SHISA9: variants seen among roughly 807,000 people sequenced by gnomAD.
The protein encoded by SHISA9 is shisa family member 9.
In SHISA9, 13 loss-of-function variants were observed where a neutral mutation model predicts 38.0. The ratio of observed to expected loss-of-function variants is 0.34; its 90% CI spans 0.22 to 0.54. SHISA9 has a LOEUF of 0.54. Among genes scored for constraint, SHISA9 ranks in the 20% least tolerant of loss-of-function variants. SHISA9 has a pLI of 0.91. For missense variants in SHISA9, 538 were observed against 575.8 expected, an observed-to-expected ratio of 0.93 and a Z score of 0.67; for synonymous variants, 275 against 242.0, an observed-to-expected ratio of 1.14 and a Z score of -1.27.
chr16:13,286,244 C>T, the SHISA9 span, among the ~76,000 whole-genome samples: 1 of 152,160 alleles, frequency 6.6e-6, no homozygotes, highest in Non-Finnish European at 1.5e-5. Flanking sequence ...ATGCCCCAAC[C>T]ACGCTGAGCA....
At chr16:13,334,395 G>A in the SHISA9 span, among the ~76,000 whole-genome samples, 1 of 152,166 alleles carries the variant, frequency 6.6e-6, no homozygotes, top group Non-Finnish European at 1.5e-5. Context: ...GCTAGCAGAG[G>A]GTTCTTCTGT....
chr16:13,117,631 T>A (rs1483387922), intron 2 of SHISA9, among the ~76,000 whole-genome samples: 1 of 152,210 alleles, frequency 6.6e-6, no homozygotes, highest in Admixed American at 6.5e-5. Flanking sequence ...ACGGCAGAGA[T>A]CCTGGAGCCA....
chr16:13,131,236 G>T (rs1236762298), intron 2 of SHISA9, among the ~76,000 whole-genome samples: 1 of 152,062 alleles, frequency 6.6e-6, no homozygotes, highest in Non-Finnish European at 1.5e-5. Flanking sequence ...ATGATAGACT[G>T]GATAAAGAAA....
the SHISA9 span, among the ~76,000 whole-genome samples, chr16:13,534,181 A>T: frequency 0.82 from 124,144 of 150,900 alleles, 51,286 homozygotes; most frequent in East Asian, 0.99. Context: ...CCCCACATTC[A>T]AGAGTATTCT....
intron 2 of SHISA9, among the ~76,000 whole-genome samples, chr16:12,975,902 A>T (rs1052488796): frequency 6.6e-6 from 1 of 151,494 alleles, no homozygotes; most frequent in East Asian, 1.9e-4. Context: ...GCCAGTGAAC[A>T]TTAAGCCAAC....
intron 1 of SHISA9, chr16:12,910,517 C>T (rs1182309972): frequency 1.0e-6 from 1 of 985,418 alleles, no homozygotes. Flanking sequence ...GGTTCTAGTA[C>T]TAGCTTTCAT....
chr16:13,022,198 C>G (rs993685564), intron 2 of SHISA9, among the ~76,000 whole-genome samples: 1 of 152,128 alleles, frequency 6.6e-6, no homozygotes, highest in African/African-American at 2.4e-5. Context: ...GTTGCCCAGG[C>G]TGGAGTGCAG....
At chr16:13,297,352 T>C in the SHISA9 span, among the ~76,000 whole-genome samples, 1 of 152,190 alleles carries the variant, frequency 6.6e-6, no homozygotes, top group Non-Finnish European at 1.5e-5. Flanking sequence ...TTTGGCCATA[T>C]AATTTTTTAG....
intron 2 of SHISA9, among the ~76,000 whole-genome samples, chr16:13,186,288 CTTTTTTTTTTTTTT>C (rs113608898): frequency 3.8e-5 from 4 of 104,308 alleles, no homozygotes; most frequent in East Asian, 7.0e-4. Flanking sequence ...CCATCTTAAC[CTTTTTTTTTTTTTT>C]TTTTTTTTTT....
chr16:13,507,542 C>G, the SHISA9 span, among the ~76,000 whole-genome samples: 2 of 152,196 alleles, frequency 1.3e-5, no homozygotes, highest in South Asian at 4.2e-4. Flanking sequence ...CTGAAAGGCC[C>G]AAGAATTGAT....
At chr16:13,382,252 G>A in the SHISA9 span, among the ~76,000 whole-genome samples, 2 of 152,176 alleles carry the variant, frequency 1.3e-5, no homozygotes, top group Non-Finnish European at 2.9e-5. Flanking sequence ...TTATGACTGG[G>A]CACAGTGGCT....
the SHISA9 span, among the ~76,000 whole-genome samples, chr16:13,361,173 A>G: frequency 6.6e-6 from 1 of 152,048 alleles, no homozygotes; most frequent in East Asian, 1.9e-4. Flanking sequence ...AAGGTACACC[A>G]TCTTCTTTTC....
intron 2 of SHISA9, among the ~76,000 whole-genome samples, chr16:13,108,022 A>T (rs989763363): frequency 6.6e-6 from 1 of 152,136 alleles, no homozygotes; most frequent in Non-Finnish European, 1.5e-5. Context: ...ATGAGTATGT[A>T]ATATGTTAGG....
chr16:13,101,019 A>G (rs2073873985), intron 2 of SHISA9, among the ~76,000 whole-genome samples: 1 of 152,114 alleles, frequency 6.6e-6, no homozygotes, highest in Non-Finnish European at 1.5e-5. Context: ...TTTAGATTCC[A>G]TATCTAGGTG....
chr16:12,912,864 T>C (rs184469244), intron 1 of SHISA9, among the ~76,000 whole-genome samples: 5 of 152,318 alleles, frequency 3.3e-5, no homozygotes, highest in Non-Finnish European at 5.9e-5. Context: ...ATTGGCCTTC[T>C]TGCTTGTTCT....
At chr16:13,324,778 A>G in the SHISA9 span, among the ~76,000 whole-genome samples, 1 of 152,178 alleles carries the variant, frequency 6.6e-6, no homozygotes, top group Non-Finnish European at 1.5e-5. Flanking sequence ...GCCTGAAGTG[A>G]TTGTATTACA....
At chr16:13,525,551 A>G in the SHISA9 span, among the ~76,000 whole-genome samples, 2 of 152,162 alleles carry the variant, frequency 1.3e-5, no homozygotes, top group Admixed American at 6.6e-5. Flanking sequence ...AACAATCCCA[A>G]ACTTTGATCA....
At chr16:13,539,305 T>TAC in the SHISA9 span, among the ~76,000 whole-genome samples, 1 of 54,524 alleles carries the variant, frequency 1.8e-5, no homozygotes, top group African/African-American at 5.4e-5. Flanking sequence ...AAATTTTACA[T>TAC]ATATATATAT....
intron 4 of SHISA9, among the ~76,000 whole-genome samples, chr16:13,232,616 G>C (rs1292650012): frequency 6.6e-6 from 1 of 152,166 alleles, no homozygotes; most frequent in African/African-American, 2.4e-5. Context: ...ATACATTTTA[G>C]GGAGGTATGA....
Sources: allele counts gnomAD v4.1 joint callset (sites outside exome capture counted in the v4.1 genomes callset), GRCh38; gene constraint gnomAD v4.1.1; transcripts MANE v1.5; gene names NCBI Gene and HGNC (gene_info 2026-07-23, HGNC 2026-07-21).